Variants in JAZF1 observed in about 807,000 individuals in gnomAD.
JAZF1 encodes the protein JAZF zinc finger 1.
JAZF1 carries 8 observed loss-of-function variants against 26.4 expected under a neutral mutation model. The ratio of observed to expected loss-of-function variants is 0.30; its 90% confidence interval spans 0.18 to 0.55. The LOEUF is 0.55. JAZF1 is among the 20% of genes least tolerant of loss of function. The probability of loss-of-function intolerance (pLI) is 0.94; values close to 1 mark genes in which losing one functional copy is unlikely to be tolerated. For synonymous variants in JAZF1, 126 were observed against 122.3 expected (o/e 1.03, Z -0.20); for missense variants, 199 against 322.0 (o/e 0.62, Z 2.92).
chr7:27,867,335 A>G (rs1783490215), intron 3 of JAZF1, among the ~76,000 whole-genome samples: 1 of 152,224 alleles, frequency 6.6e-6, no homozygotes, highest in African/African-American at 2.4e-5. Context: ...ATGAAAATGC[A>G]CCAACAGAAA....
chr7:27,967,361 T>C (rs982105018), intron 2 of JAZF1, among the ~76,000 whole-genome samples: 3 of 151,828 alleles, frequency 2.0e-5, no homozygotes, highest in African/African-American at 4.8e-5. Context: ...TGCTTGCACA[T>C]AGGAAGAGAA....
chr7:27,941,481 G>C (rs1210919549), intron 2 of JAZF1, among the ~76,000 whole-genome samples: 1 of 152,146 alleles, frequency 6.6e-6, no homozygotes, highest in Non-Finnish European at 1.5e-5. Context: ...TCTGACTCAA[G>C]TCCGATTAAA....
chr7:28,092,478 A>T (rs1300008141), intron 1 of JAZF1, among the ~76,000 whole-genome samples: 2 of 144,646 alleles, frequency 1.4e-5, no homozygotes, highest in Non-Finnish European at 2.9e-5. Context: ...AGCAATATTA[A>T]AAGTATATAA....
At chr7:27,900,557 TC>T (rs1460335906) in intron 2 of JAZF1, among the ~76,000 whole-genome samples, 1 of 152,154 alleles carries the variant, frequency 6.6e-6, no homozygotes, top group Non-Finnish European at 1.5e-5. Context: ...ACTTTTTTCC[TC>T]CCCAAGTCAG....
intron 1 of JAZF1, among the ~76,000 whole-genome samples, chr7:28,094,668 T>C (rs1236583276): frequency 6.6e-6 from 1 of 152,176 alleles, no homozygotes; most frequent in African/African-American, 2.4e-5. Context: ...AGAAGGAACA[T>C]GGGCAAGCAG....
intron 1 of JAZF1, among the ~76,000 whole-genome samples, chr7:28,179,807 G>A (rs1265163086): frequency 3.0e-5 from 4 of 132,710 alleles, no homozygotes; most frequent in Non-Finnish European, 6.5e-5. Flanking sequence ...CGCCGGCCCC[G>A]GCCCCCTCCC....
At chr7:27,973,135 G>C (rs1399249463) in intron 2 of JAZF1, among the ~76,000 whole-genome samples, 1 of 152,102 alleles carries the variant, frequency 6.6e-6, no homozygotes, top group African/African-American at 2.4e-5. Flanking sequence ...GTTAGGGAGA[G>C]AGGAGAGAAG....
In JAZF1 at chr7:27,939,291, GAT is replaced by G. The variant is rs2128351898; in HGVS notation, c.189-43877_189-43876del. ...TCTCACAGCTCAGCAAAGATGAACT[GAT>G]AGTCAGCTAAGCTAAAATAGGTGGA... On this transcript the variant is annotated intron_variant, in intron 2 of 4. Coordinates refer to ENST00000283928, the MANE Select transcript of JAZF1 (RefSeq NM_175061.4). Among the ~76,000 whole-genome samples, 3 of 152,338 alleles carry G rather than the reference GAT, an allele frequency of 2.0e-5. No homozygotes were observed. In the South Asian group the frequency reaches 6.2e-4, roughly 32 times the overall value.
chr7:28,163,658 C>T (rs910526951), intron 1 of JAZF1, among the ~76,000 whole-genome samples: 5 of 152,206 alleles, frequency 3.3e-5, no homozygotes, highest in Non-Finnish European at 7.3e-5. Flanking sequence ...CATTTAATTG[C>T]TTTTTCTCCC....
At position 27,866,855 on chromosome 7, in the gene JAZF1, AAAG is replaced by A. The variant is rs1783482230; in HGVS notation, c.386-25991_386-25989del. ...TTCACATTAGTGGAGACCTGGGGAT[AAAG>A]AAGACACGCTGTCTCTCTGGCCTCG... On this transcript the variant is annotated intron_variant, in intron 3 of 4. Transcript: ENST00000283928. Among the ~76,000 whole-genome samples the A allele has an allele frequency of 2.6e-5, 4 of 152,198 alleles. No homozygotes were observed. In the South Asian group the frequency reaches 8.3e-4, roughly 31 times the overall value.
Position 27,832,841 on chromosome 7 carries a change from G to T in JAZF1, c.691C>A (p.Pro231Thr). ...CTGATAATCTCAGCCGACACCGGGGGATGGAAATTGATTGTGTGGTGCCGC... is the reference window on the plus strand; with the variant it reads ...CTGATAATCTCAGCCGACACCGGGGTATGGAAATTGATTGTGTGGTGCCGC... The part of the protein sequence containing the change: ...GLRHHTINFH[P>T]PVSAEIIRKM... The change falls in exon 5 of 5, where the codon CCC (proline) becomes ACC (threonine). Residue 231 changes from proline to threonine, a missense_variant. This residue lies in a region of JAZF1 where 62 missense variants were observed against 137.2 expected (regional missense o/e 0.45). Coordinates refer to ENST00000283928, the MANE Select transcript of JAZF1 (RefSeq NM_175061.4). 1 of 1,608,870 alleles carries T rather than the reference G, an allele frequency of 6.2e-7. No individual in the cohort carries two copies. The highest frequency in any genetic ancestry group is 8.5e-7 in the Non-Finnish European group (1 of 1,177,240).
chr7:28,148,246 T>C (rs1783056950), intron 1 of JAZF1, among the ~76,000 whole-genome samples: 1 of 152,272 alleles, frequency 6.6e-6, no homozygotes, highest in African/African-American at 2.4e-5. Flanking sequence ...AATTTTTGTA[T>C]TTTTAGTAGA....
At chr7:27,976,889 G>A (rs1050141963) in intron 2 of JAZF1, among the ~76,000 whole-genome samples, 2 of 152,192 alleles carry the variant, frequency 1.3e-5, no homozygotes, top group African/African-American at 4.8e-5. Context: ...AGGATTAGGT[G>A]AGGTTTTGGA....
chr7:28,041,924 C>A lies in JAZF1; in HGVS notation c.116-49943G>T, dbSNP rs150302029. 3.3e-3 allele frequency among the ~76,000 whole-genome samples: 500 copies of A among 152,238 alleles called. 1 individual carries two copies. The highest frequency in any genetic ancestry group is 0.012 in the African/African-American group (487 of 41,546). On this transcript the variant is annotated intron_variant, in intron 1 of 4. Coordinates refer to ENST00000283928, the MANE Select transcript of JAZF1 (RefSeq NM_175061.4). ...CTACTCCTGTAGGAGGAGATCAAGC[C>A]GAACTGGGCACCAAGGATCTAGATC... is the stretch of plus-strand genomic sequence containing the variant.
chr7:28,031,502 C>T (rs558421250), intron 1 of JAZF1, among the ~76,000 whole-genome samples: 9 of 152,292 alleles, frequency 5.9e-5, no homozygotes, highest in African/African-American at 1.4e-4. Flanking sequence ...ATGTAGCTGG[C>T]GATGCAGTGA....
intron 1 of JAZF1, among the ~76,000 whole-genome samples, chr7:28,054,157 A>T (rs533866115): frequency 6.6e-6 from 1 of 152,174 alleles, no homozygotes; most frequent in Non-Finnish European, 1.5e-5. Flanking sequence ...ATATAATCCT[A>T]TATCTACTTA....
At chr7:27,861,152 G>C (rs1009472175) in intron 3 of JAZF1, among the ~76,000 whole-genome samples, 2 of 152,158 alleles carry the variant, frequency 1.3e-5, no homozygotes, top group East Asian at 3.9e-4. Flanking sequence ...CACGAGTCCT[G>C]AGCTGCACTA....
intron 3 of JAZF1, among the ~76,000 whole-genome samples, chr7:27,849,756 C>CAGACACAG (rs200915594): frequency 4.5e-4 from 67 of 147,536 alleles, no homozygotes; most frequent in African/African-American, 1.1e-3. Flanking sequence ...CACACAGACA[C>CAGACACAG]ACACACACAC....
chr7:27,836,262 G>A lies in JAZF1; in HGVS notation c.556-3286C>T, dbSNP rs555489949. 4.6e-5 allele frequency among the ~76,000 whole-genome samples: 7 copies of A among 152,326 alleles called. 1 individual carries two copies. The South Asian group carries it at 1.4e-3, about 32-fold the overall frequency. On this transcript the variant is annotated intron_variant, in intron 4 of 4. Coordinates refer to ENST00000283928, the MANE Select transcript of JAZF1 (RefSeq NM_175061.4). ...TCTCAAAGTGATGCTCTGACATCAA[G>A]CTAGTAAGGGAAGAAAGTGGGAAGG...
Sources: gnomAD v4.1 joint callset for allele counts (sites outside exome capture counted in the v4.1 genomes callset) on GRCh38, gnomAD v4.1.1 for gene constraint, gnomAD v4.1.1 regional missense constraint, MANE v1.5 for transcripts, NCBI Gene and HGNC (gene_info 2026-07-23, HGNC 2026-07-21) for gene names.